The following KIAA1958 variants were observed in gnomAD, a reference collection of about 807,000 sequenced individuals.
The protein encoded by KIAA1958 is KIAA1958.
A neutral mutation model predicts 47.2 loss-of-function variants in KIAA1958; 14 were observed. The ratio of observed to expected loss-of-function variants is 0.30; its 90% CI spans 0.20 to 0.46. The LOEUF is 0.46. Among genes scored for constraint, KIAA1958 ranks in the 20% least tolerant of loss-of-function variants. The probability of loss-of-function intolerance (pLI) is 1.00; values close to 1 mark genes in which losing one functional copy is unlikely to be tolerated. For missense variants in KIAA1958, 803 were observed against 909.2 expected (o/e 0.88, Z 1.50); for synonymous variants, 354 against 353.3 (o/e 1.00, Z -0.02).
rs112603016 is a variant in KIAA1958 at position 112,659,675 on chromosome 9, T to C, written c.1757T>C (p.Leu586Pro). The change falls in exon 4 of 4, where the codon CTC (leucine) becomes CCC (proline). Residue 586 changes from leucine to proline, a missense_variant. Coordinates refer to ENST00000337530, the MANE Select transcript of KIAA1958 (RefSeq NM_133465.4). ...CTGATGTATGGTGACATCGAGCTGCTCAAAGACCCCCAAAACCAGCCCTAC... is the reference window on the plus strand; with the variant it reads ...CTGATGTATGGTGACATCGAGCTGCCCAAAGACCCCCAAAACCAGCCCTAC... The part of the protein sequence containing the change: ...ADLMYGDIEL[L>P]KDPQNQPYFA... 1.9e-6 allele frequency: 3 copies of C among 1,614,068 alleles called. No individual in the cohort carries two copies. The highest frequency in any genetic ancestry group is 2.5e-6 in the Non-Finnish European group (3 of 1,180,018).
At chr9:112,524,329 A>G (rs946685065) in intron 1 of KIAA1958, among the ~76,000 whole-genome samples, 89 of 152,354 alleles carry the variant, frequency 5.8e-4, no homozygotes, top group African/African-American at 2.1e-3. Context: ...TTGAACAGCC[A>G]TTTACAAATT....
chr9:112,632,803 A>G (rs1361661915), intron 2 of KIAA1958, among the ~76,000 whole-genome samples: 2 of 151,848 alleles, frequency 1.3e-5, no homozygotes, highest in Non-Finnish European at 2.9e-5. Flanking sequence ...ATTTTTTCGC[A>G]TGTAATCATC....
In KIAA1958 at chr9:112,666,717, C is replaced by A. The variant is rs1004590776; in HGVS notation, c.*6648C>A. The A allele has an allele frequency of 7.2e-5, 11 of 152,170 alleles. No homozygotes were observed. The highest frequency in any genetic ancestry group is 2.4e-4 in the African/African-American group (10 of 41,432). The allele number at this position is 152,170 out of a possible 1,614,324, so 9.4% of individuals were successfully genotyped here. Reference sequence around the variant, plus strand: ...CCTGGCTTACTTCATGAAACAGGCCCTGTGAAATTAAAAACATGAAAGCTA... The same window carrying A: ...CCTGGCTTACTTCATGAAACAGGCCATGTGAAATTAAAAACATGAAAGCTA... On this transcript the variant is annotated 3_prime_UTR_variant, in exon 4 of 4. Coordinates refer to ENST00000337530, the MANE Select transcript of KIAA1958 (RefSeq NM_133465.4).
chr9:112,499,719 C>T (rs111530387), intron 1 of KIAA1958, among the ~76,000 whole-genome samples: 5,407 of 123,234 alleles, frequency 0.044, 169 homozygotes, highest in South Asian at 0.059. Context: ...GACAGAGTTT[C>T]GCTCTGTCAT....
chr9:112,552,785 G>C (rs1036514020), intron 1 of KIAA1958, among the ~76,000 whole-genome samples: 1 of 152,148 alleles, frequency 6.6e-6, no homozygotes, highest in African/African-American at 2.4e-5. Context: ...ATCCATTCAT[G>C]ATCATCTTCA....
chr9:112,644,034 C>T (rs1428419222), intron 2 of KIAA1958, among the ~76,000 whole-genome samples: 2 of 151,792 alleles, frequency 1.3e-5, no homozygotes, highest in Non-Finnish European at 2.9e-5. Flanking sequence ...AAAAATTAGC[C>T]GGGCGTAGTG....
chr9:112,574,793 C>G lies in KIAA1958; in HGVS notation c.713C>G (p.Pro238Arg). The G allele has an allele frequency of 6.2e-7, 1 of 1,614,126 alleles. No individual in the cohort carries two copies. The highest frequency in any genetic ancestry group is 8.5e-7 in the Non-Finnish European group (1 of 1,179,996). ...TTGACACAGATGGCAAAACCCAAGC[C>G]TCAGACTCACGCTGGTCCCTCCTGT... ...LSLTQMAKPKPQTHAGPSCVG... is the reference protein window; with the variant it reads ...LSLTQMAKPKRQTHAGPSCVG... Residue 238 changes from proline to arginine, a missense_variant, in exon 2 of 4, where the codon CCT becomes CGT. This residue lies in a region of KIAA1958 where 761 missense variants were observed against 829.3 expected (regional missense o/e 0.92). Coordinates refer to ENST00000337530, the MANE Select transcript of KIAA1958 (RefSeq NM_133465.4).
In KIAA1958 at chr9:112,551,698, ATG is replaced by A. The variant is rs1162340239; in HGVS notation, c.-24-22357_-24-22356del. ...AGAAGAGAGGGATGTTTTTGCAGAA[ATG>A]TCCCTTGGCTTCTCTAGTTTTCCCA... On this transcript the variant is annotated intron_variant, in intron 1 of 3. Coordinates refer to ENST00000337530, the MANE Select transcript of KIAA1958 (RefSeq NM_133465.4). Among the ~76,000 whole-genome samples, 9 of 152,276 alleles carry A rather than the reference ATG, an allele frequency of 5.9e-5. 1 individual carries two copies. The South Asian group carries it at 1.5e-3, about 25-fold the overall frequency.
In KIAA1958 at chr9:112,668,971, G is replaced by A. The variant is rs144755198; in HGVS notation, c.*8902G>A. The A allele has an allele frequency of 2.5e-3, 386 of 152,250 alleles. 4 individuals carry two copies. Among genetic ancestry groups the A allele is most frequent in the African/African-American group, 9.0e-3 (374 of 41,556 alleles). The allele number at this position is 152,250 out of a possible 1,614,324, so 9.4% of individuals were successfully genotyped here. On this transcript the variant is annotated 3_prime_UTR_variant, in exon 4 of 4. Transcript: ENST00000337530. ...ATAATAGCAACAAAACTGTCCTAAC[G>A]TTTTCACTGTTCTGTAATTTTGTTT... is the stretch of plus-strand genomic sequence containing the variant.
chr9:112,619,006 CAG>C (rs1334280521), intron 2 of KIAA1958: 2 of 1,376,876 alleles, frequency 1.5e-6, no homozygotes, highest in African/African-American at 2.9e-5. Flanking sequence ...CCTGTGCCCT[CAG>C]TGTTAATTCA....
At chr9:112,565,226 A>C (rs1316006820) in intron 1 of KIAA1958, among the ~76,000 whole-genome samples, 1 of 152,226 alleles carries the variant, frequency 6.6e-6, no homozygotes, top group Non-Finnish European at 1.5e-5. Context: ...TATTATACTT[A>C]ACCTAAACTC....
At chr9:112,617,495 T>C (rs1366558825) in intron 2 of KIAA1958, among the ~76,000 whole-genome samples, 3 of 152,136 alleles carry the variant, frequency 2.0e-5, no homozygotes, top group African/African-American at 7.2e-5. Context: ...TCGGAATGAG[T>C]TTGTCAGCGC....
intron 1 of KIAA1958, among the ~76,000 whole-genome samples, chr9:112,537,396 G>A (rs1043762575): frequency 1.1e-4 from 17 of 152,144 alleles, no homozygotes; most frequent in African/African-American, 4.1e-4. Context: ...CCACTGCGCT[G>A]GGCCAGGACA....
intron 2 of KIAA1958, among the ~76,000 whole-genome samples, chr9:112,585,689 GAC>G (rs2131185047): frequency 6.6e-6 from 1 of 152,240 alleles, no homozygotes; most frequent in Non-Finnish European, 1.5e-5. Flanking sequence ...GAGAGGAGGA[GAC>G]AGGCAGGTGT....
intron 2 of KIAA1958, among the ~76,000 whole-genome samples, chr9:112,622,732 A>T (rs1191797564): frequency 6.6e-6 from 1 of 152,146 alleles, no homozygotes; most frequent in Non-Finnish European, 1.5e-5. Flanking sequence ...TTGGTTTTTC[A>T]GTTAGATTAT....
chr9:112,499,265 GATAA>G (rs1186134915), intron 1 of KIAA1958, among the ~76,000 whole-genome samples: 1 of 152,076 alleles, frequency 6.6e-6, no homozygotes, highest in Non-Finnish European at 1.5e-5. Flanking sequence ...CTTTTCTTTG[GATAA>G]ATACTCAGCA....
intron 1 of KIAA1958, among the ~76,000 whole-genome samples, chr9:112,507,641 A>G (rs1042683708): frequency 6.6e-6 from 1 of 152,018 alleles, no homozygotes; most frequent in South Asian, 2.1e-4. Context: ...TGAGCGACTC[A>G]CTGTGCCTGG....
intron 3 of KIAA1958, among the ~76,000 whole-genome samples, chr9:112,655,457 A>C (rs1837134448): frequency 6.6e-6 from 1 of 152,196 alleles, no homozygotes; most frequent in African/African-American, 2.4e-5. Flanking sequence ...TACGTTCTAC[A>C]ATAATCCCCC....
intron 1 of KIAA1958, among the ~76,000 whole-genome samples, chr9:112,572,321 A>G (rs1035374280): frequency 5.3e-5 from 8 of 152,206 alleles, no homozygotes; most frequent in Non-Finnish European, 1.2e-4. Flanking sequence ...GTATGTAAAC[A>G]TTCATTCATT....
Sources: allele counts gnomAD v4.1 joint callset (sites outside exome capture counted in the v4.1 genomes callset), GRCh38; gene constraint gnomAD v4.1.1; regional missense constraint gnomAD v4.1.1; transcripts MANE v1.5; gene names NCBI Gene and HGNC (gene_info 2026-07-23, HGNC 2026-07-21).